Variants in MAP4K4 observed in about 807,000 individuals in gnomAD.
MAP4K4 encodes mitogen-activated protein kinase kinase kinase kinase 4, also known as HPK/GCK-like kinase HGK.
MAP4K4 carries 38 observed loss-of-function variants against 189.6 expected under a neutral mutation model. That is an observed-to-expected ratio of 0.20 (90% CI 0.15 to 0.26). MAP4K4 has a LOEUF of 0.26. Among genes scored for constraint, MAP4K4 ranks in the 10% least tolerant of loss-of-function variants. The pLI is 1.00. For missense variants in MAP4K4, 1,054 were observed against 1,726.9 expected, an observed-to-expected ratio of 0.61 and a Z score of 6.91; for synonymous variants, 610 against 624.3, an observed-to-expected ratio of 0.98 and a Z score of 0.34.
At chr2:101,868,152 T>C (rs749801911) in intron 21 of MAP4K4, 115 bp downstream of exon 21, 194 of 1,188,020 alleles carry the variant, frequency 1.6e-4, no homozygotes, top group Non-Finnish European at 2.3e-4. Flanking sequence ...CTTGTTCTTT[T>C]CTAGAATTTA....
intron 2 of MAP4K4, among the ~76,000 whole-genome samples, chr2:101,720,213 G>A (rs531159709): frequency 6.9e-6 from 1 of 144,570 alleles, no homozygotes; most frequent in Non-Finnish European, 1.5e-5. Context: ...GACCCCTGTC[G>A]CCCAGGCTAG....
chr2:101,698,334 C>A, intron 1 of MAP4K4, 139 bp from the exon 2 acceptor site: 1 of 847,026 alleles, frequency 1.2e-6, no homozygotes, highest in Non-Finnish European at 1.9e-6. Flanking sequence ...GCCCGCCGCG[C>A]GACCCCCGGG....
chr2:101,798,009 C>A (rs2148928550), intron 3 of MAP4K4, among the ~76,000 whole-genome samples: 1 of 148,196 alleles, frequency 6.7e-6, no homozygotes, highest in East Asian at 2.1e-4. Flanking sequence ...ACCTCAAATT[C>A]CTAGACTCAA....
chr2:101,894,372 GA>G (rs2150385309), exon 33 of MAP4K4: 1 of 152,854 alleles, frequency 6.5e-6, no homozygotes, highest in African/African-American at 2.4e-5. Context: ...TTACGTTGGA[GA>G]AAATGTTTAC....
At chr2:101,744,910 G>A (rs1259013469) in intron 2 of MAP4K4, among the ~76,000 whole-genome samples, 3 of 152,206 alleles carry the variant, frequency 2.0e-5, no homozygotes, top group African/African-American at 7.2e-5. Flanking sequence ...AGCACCAGGA[G>A]TTTAGTAACT....
At chr2:101,842,279 G>A (rs1576598192) in intron 10 of MAP4K4, among the ~76,000 whole-genome samples, 1 of 152,242 alleles carries the variant, frequency 6.6e-6, no homozygotes, top group East Asian at 1.9e-4. Context: ...TGGTGAATTT[G>A]CTAGTGCCCT....
Position 101,792,387 on chromosome 2 carries a change from C to T in MAP4K4, c.180+1611C>T, listed in dbSNP as rs148666587. On this transcript the variant is annotated intron_variant, in intron 3 of 32. Coordinates refer to ENST00000324219, the Ensembl canonical transcript of MAP4K4. The stretch of plus-strand genomic sequence containing the variant: ...TCAACCTGTGCTGCCTCCCCTGACA[C>T]AGCTGTTGTGGCCGGTCAGGATACG... 9.8e-5 allele frequency among the ~76,000 whole-genome samples: 15 copies of T among 152,310 alleles called. No individual in the cohort carries two copies. In the East Asian group the frequency reaches 2.7e-3, roughly 27 times the overall value.
chr2:101,870,851 T>C (rs955479438), intron 23 of MAP4K4, among the ~76,000 whole-genome samples: 5 of 152,164 alleles, frequency 3.3e-5, no homozygotes, highest in African/African-American at 1.2e-4. Context: ...ACGAGCCTCA[T>C]CACAGGCCCA....
chr2:101,876,580 A>G lies in MAP4K4; in HGVS notation c.3242-423A>G, dbSNP rs144611888. Among the ~76,000 whole-genome samples, 17 of 152,340 alleles carry G rather than the reference A, an allele frequency of 1.1e-4. No homozygotes were observed. The East Asian group carries it at 2.7e-3, about 24-fold the overall frequency. ...TATGGCCCATTCCAGAGATTTGCCA[A>G]TGAAAGATGAGGAAGCACAAAGAGA... On this transcript the variant is annotated intron_variant, in intron 26 of 32. Coordinates refer to ENST00000324219, the Ensembl canonical transcript of MAP4K4.
intron 2 of MAP4K4, among the ~76,000 whole-genome samples, chr2:101,776,171 G>A (rs2150437839): frequency 6.6e-6 from 1 of 152,176 alleles, no homozygotes; most frequent in African/African-American, 2.4e-5. Flanking sequence ...CCTCACCTAG[G>A]GATTTTGATC....
chr2:101,752,114 GT>G (rs1390545972), intron 2 of MAP4K4, among the ~76,000 whole-genome samples: 1 of 152,078 alleles, frequency 6.6e-6, no homozygotes, highest in Non-Finnish European at 1.5e-5. Flanking sequence ...TTCCCTATTT[GT>G]TTTTTGTTAT....
chr2:101,768,329 T>G (rs1187319917), intron 2 of MAP4K4, among the ~76,000 whole-genome samples: 1 of 152,236 alleles, frequency 6.6e-6, no homozygotes, highest in Non-Finnish European at 1.5e-5. Context: ...TATATTGCTT[T>G]TCTTTTGATA....
At chr2:101,882,395 A>G (rs2098414138) in intron 27 of MAP4K4, among the ~76,000 whole-genome samples, 156 bp from the exon 28 acceptor site, 1 of 152,170 alleles carries the variant, frequency 6.6e-6, no homozygotes, top group Non-Finnish European at 1.5e-5. Flanking sequence ...CTCCCTTGTC[A>G]GCTGTTTCTG....
intron 13 of MAP4K4, among the ~76,000 whole-genome samples, chr2:101,858,788 A>G (rs1576902209): frequency 1.3e-5 from 2 of 152,312 alleles, no homozygotes; most frequent in Admixed American, 1.3e-4. Context: ...ATGGGAATGC[A>G]TATCATCATT....
At chr2:101,718,178 C>T (rs571582272) in intron 2 of MAP4K4, among the ~76,000 whole-genome samples, 1 of 151,712 alleles carries the variant, frequency 6.6e-6, no homozygotes, top group Admixed American at 6.6e-5. Context: ...ATCACTTGAA[C>T]CTGGGAGGCA....
chr2:101,715,328 A>G (rs765951119), intron 2 of MAP4K4, among the ~76,000 whole-genome samples: 10 of 152,306 alleles, frequency 6.6e-5, no homozygotes, highest in Non-Finnish European at 1.0e-4. Context: ...CTAAGTCTCA[A>G]TCACTTTCTG....
chr2:101,715,043 A>G (rs2047666769), intron 2 of MAP4K4, among the ~76,000 whole-genome samples: 1 of 152,202 alleles, frequency 6.6e-6, no homozygotes, highest in Non-Finnish European at 1.5e-5. Flanking sequence ...GGCTGCCATA[A>G]CAAAAGGTCA....
chr2:101,864,475 A>G (rs2097762020), intron 17 of MAP4K4, among the ~76,000 whole-genome samples: 1 of 152,212 alleles, frequency 6.6e-6, no homozygotes, highest in South Asian at 2.1e-4. Flanking sequence ...TGTTTACATA[A>G]TAGTGAAATT....
intron 16 of MAP4K4, 80 bp from the exon 17 acceptor site, chr2:101,863,741 T>A: frequency 1.1e-6 from 1 of 937,538 alleles, no homozygotes. Context: ...TGCCAGTTCC[T>A]GCTTTGGATT....
Sources: allele counts gnomAD v4.1 joint callset (sites outside exome capture counted in the v4.1 genomes callset), GRCh38; gene constraint gnomAD v4.1.1; transcripts MANE v1.5; gene names NCBI Gene and HGNC (gene_info 2026-07-23, HGNC 2026-07-21).